Variants in COL23A1 observed in about 807,000 individuals in gnomAD.
The protein encoded by COL23A1 is collagen type XXIII alpha 1 chain.
COL23A1 carries 97 observed loss-of-function variants against 99.3 expected under a neutral mutation model. The ratio of observed to expected loss-of-function variants is 0.98; its 90% CI spans 0.83 to 1.16. The LOEUF is 1.16. Among genes scored for constraint, COL23A1 ranks in the 50% most tolerant of loss-of-function variants. The pLI is 0.00. For missense variants in COL23A1, 762 were observed against 757.4 expected (o/e 1.01, Z -0.07); for synonymous variants, 320 against 308.2 (o/e 1.04, Z -0.40).
At position 178,255,112 on chromosome 5, in the gene COL23A1, G is replaced by A; in HGVS notation, c.883-86C>T. On this transcript the variant is annotated intron_variant, in intron 15 of 28. Coordinates refer to ENST00000390654, the MANE Select transcript of COL23A1 (RefSeq NM_173465.4). The surrounding 1 kb of genome is among the most constrained non-coding windows in gnomAD (Gnocchi z 4.2). ...GGCAGCTGTCCCTGCATCACATCCA[G>A]AGAGAAAGCAATGGAAGAGCCTCGT... is the stretch of plus-strand genomic sequence containing the variant. The A allele has an allele frequency of 8.8e-7, 1 of 1,140,924 alleles. No homozygotes were observed. The highest frequency in any genetic ancestry group is 1.5e-5 in the African/African-American group (1 of 65,772). 70.7% of individuals were successfully genotyped at this position (1,140,924 alleles called of 1,614,324 possible). A position where few individuals can be genotyped will look rare whatever the true frequency, so the allele number is the denominator to read the frequency against.
At chr5:178,571,700 CAA>C (rs1007420910) in intron 1 of COL23A1, among the ~76,000 whole-genome samples, 1 of 152,164 alleles carries the variant, frequency 6.6e-6, no homozygotes, top group African/African-American at 2.4e-5. Context: ...AATTAGCACA[CAA>C]AGACATTAAA....
intron 2 of COL23A1, among the ~76,000 whole-genome samples, chr5:178,552,954 C>G (rs949183686): frequency 1.3e-5 from 2 of 152,066 alleles, no homozygotes; most frequent in African/African-American, 4.8e-5. Context: ...GTGATCCCCC[C>G]GCCTTGGCCT....
intron 2 of COL23A1, among the ~76,000 whole-genome samples, chr5:178,517,568 G>GTTTTTTTGTTT (rs1759601109): frequency 3.7e-5 from 4 of 108,242 alleles, no homozygotes; most frequent in African/African-American, 1.5e-4. Context: ...TTTTTTTTTT[G>GTTTTTTTGTTT]TTTTTTTTTT....
intron 2 of COL23A1, among the ~76,000 whole-genome samples, chr5:178,516,698 C>T (rs1759537178): frequency 1.3e-5 from 2 of 152,196 alleles, no homozygotes; most frequent in South Asian, 4.1e-4. Flanking sequence ...TTTCTTAACT[C>T]AGGTGTTGCT....
At chr5:178,358,212 T>TCTA (rs1491204537) in intron 2 of COL23A1, among the ~76,000 whole-genome samples, 17 of 111,930 alleles carry the variant, frequency 1.5e-4, no homozygotes, top group East Asian at 5.3e-4. Flanking sequence ...TGTACGTGTG[T>TCTA]ATGTGTGTCT....
At chr5:178,320,962 C>A (rs1759269127) in intron 2 of COL23A1, among the ~76,000 whole-genome samples, 1 of 152,216 alleles carries the variant, frequency 6.6e-6, no homozygotes, top group Admixed American at 6.5e-5. Context: ...ATAGGTGGTT[C>A]TTTGTCCTTG....
At chr5:178,297,958 G>A (rs1487339465) in intron 3 of COL23A1, among the ~76,000 whole-genome samples, 1 of 152,214 alleles carries the variant, frequency 6.6e-6, no homozygotes, top group Non-Finnish European at 1.5e-5. Context: ...TGATGGATGT[G>A]ACAGAGGGGT....
rs139994792 is a variant in COL23A1 at position 178,446,608 on chromosome 5, G to A, written c.361+114074C>T. On this transcript the variant is annotated intron_variant, in intron 2 of 28. Transcript: ENST00000390654. ...AATCAGAAAAATGATAGCCACCGCT[G>A]TCATAGATACTATGAAGTCTGACAT... Among the ~76,000 whole-genome samples, 645 of 152,260 alleles carry A rather than the reference G, an allele frequency of 4.2e-3. 6 individuals are homozygous for A. Among genetic ancestry groups the A allele is most frequent in the African/African-American group, 0.015 (629 of 41,564 alleles).
At chr5:178,489,866 C>T (rs1757835088) in intron 2 of COL23A1, among the ~76,000 whole-genome samples, 1 of 152,116 alleles carries the variant, frequency 6.6e-6, no homozygotes, top group Non-Finnish European at 1.5e-5. Context: ...TAGAAAGGAC[C>T]AAAATATCCA....
chr5:178,326,925 G>A (rs1314788339), intron 2 of COL23A1, among the ~76,000 whole-genome samples: 3 of 152,172 alleles, frequency 2.0e-5, no homozygotes, highest in South Asian at 2.1e-4. Context: ...TCACCATGCT[G>A]GTCAGGCTGG....
chr5:178,418,417 G>C (rs181940020), intron 2 of COL23A1, among the ~76,000 whole-genome samples: 1 of 152,304 alleles, frequency 6.6e-6, no homozygotes, highest in Admixed American at 6.5e-5. Flanking sequence ...AGCTTTCCTG[G>C]AGAGATCCTG....
rs150159481 is a variant in COL23A1 at position 178,404,911 on chromosome 5, T to C, written c.362-97992A>G. ...CACCAGGACAAGAATGAGCTCACTA[T>C]GCAGCTAACCTTGATTTTGCTTTAA... On this transcript the variant is annotated intron_variant, in intron 2 of 28. Coordinates refer to ENST00000390654, the MANE Select transcript of COL23A1 (RefSeq NM_173465.4). 2.6e-3 allele frequency among the ~76,000 whole-genome samples: 394 copies of C among 152,338 alleles called. 5 individuals are homozygous for C. Among genetic ancestry groups the C allele is most frequent in the African/African-American group, 9.1e-3 (378 of 41,566 alleles).
At chr5:178,330,055 G>A (rs534702897) in intron 2 of COL23A1, among the ~76,000 whole-genome samples, 1 of 152,320 alleles carries the variant, frequency 6.6e-6, no homozygotes, top group East Asian at 1.9e-4. Context: ...GGCGGCGGAG[G>A]CCTGGGTAGC....
chr5:178,490,329 G>A (rs1297524027), intron 2 of COL23A1, among the ~76,000 whole-genome samples: 1 of 152,130 alleles, frequency 6.6e-6, no homozygotes, highest in East Asian at 1.9e-4. Flanking sequence ...ATTAAGCTAA[G>A]TGAAATAAGC....
intron 3 of COL23A1, among the ~76,000 whole-genome samples, chr5:178,304,925 GTCTA>G (rs747827437): frequency 6.6e-6 from 1 of 152,228 alleles, no homozygotes; most frequent in Non-Finnish European, 1.5e-5. Flanking sequence ...GACCCAGTGA[GTCTA>G]TCTTTCCTTG....
intron 2 of COL23A1, among the ~76,000 whole-genome samples, chr5:178,419,669 G>T (rs138831596): frequency 1.3e-5 from 2 of 152,224 alleles, no homozygotes; most frequent in Non-Finnish European, 2.9e-5. Context: ...AACTAAATAT[G>T]GCCTGAGAAG....
intron 17 of COL23A1, among the ~76,000 whole-genome samples, chr5:178,250,684 T>TA (rs1247726451): frequency 1.4e-5 from 2 of 146,142 alleles, no homozygotes; most frequent in East Asian, 3.9e-4. Flanking sequence ...AATATTGTAT[T>TA]AAAAAGAATA....
chr5:178,530,247 G>C (rs1214099145), intron 2 of COL23A1, among the ~76,000 whole-genome samples: 1 of 152,140 alleles, frequency 6.6e-6, no homozygotes, highest in East Asian at 1.9e-4. Flanking sequence ...GATCATTTGA[G>C]CTCAGGAGTT....
At chr5:178,329,705 G>A (rs1174422417) in intron 2 of COL23A1, among the ~76,000 whole-genome samples, 7 of 152,284 alleles carry the variant, frequency 4.6e-5, no homozygotes, top group Non-Finnish European at 7.4e-5. Context: ...CCGGGAGGCC[G>A]AGGCAGGCGG....
Sources: gnomAD v4.1 joint callset for allele counts (sites outside exome capture counted in the v4.1 genomes callset) on GRCh38, gnomAD v4.1.1 for gene constraint, Gnocchi (gnomAD v3.1) non-coding constraint, MANE v1.5 for transcripts, NCBI Gene and HGNC (gene_info 2026-07-23, HGNC 2026-07-21) for gene names.